The following ARHGEF26 variants were observed in gnomAD, a reference collection of about 807,000 sequenced individuals.
The protein encoded by ARHGEF26 is Rho guanine nucleotide exchange factor (GEF) 26.
Under a neutral mutation model 89.4 loss-of-function variants are expected in ARHGEF26, and 59 were observed. The ratio of observed to expected loss-of-function variants is 0.66; its 90% CI spans 0.54 to 0.82. ARHGEF26 has a LOEUF of 0.82. ARHGEF26 is among the 40% of genes least tolerant of loss of function. The pLI, the probability that ARHGEF26 is intolerant of heterozygous loss-of-function variation, is 0.00. For synonymous variants in ARHGEF26, 500 were observed against 428.4 expected (o/e 1.17, Z -2.06); for missense variants, 1,234 against 1,085.6 (o/e 1.14, Z -1.92).
Position 154,129,708 on chromosome 3 carries a change from C to G in ARHGEF26, c.1258C>G (p.Gln420Glu), listed in dbSNP as rs768038426. Residue 420 changes from glutamine to glutamate, a missense_variant, in exon 4 of 15, where the codon CAA (glutamine) becomes GAA (glutamate). By Grantham distance (29) the Gln-to-Glu change is conservative. Transcript: ENST00000465093. ...TAAGCCATTGAGATCCACATGGAGC[C>G]AACTCTCTGCGGTGAGTGTTTATCT... is the stretch of plus-strand genomic sequence containing the variant. ...HHKPLRSTWS[Q>E]LSAVKRKGLS... 48 of 1,611,808 alleles carry G rather than the reference C, an allele frequency of 3.0e-5. No homozygotes were observed. Among genetic ancestry groups the G allele is most frequent in the Non-Finnish European group, 3.8e-5 (45 of 1,179,076 alleles).
chr3:154,211,369 C>G (rs1715348707), intron 9 of ARHGEF26, among the ~76,000 whole-genome samples: 2 of 152,116 alleles, frequency 1.3e-5, no homozygotes, highest in Admixed American at 6.5e-5. Flanking sequence ...AATGCTCCCT[C>G]CATGGATGGG....
intron 6 of ARHGEF26, among the ~76,000 whole-genome samples, chr3:154,154,263 C>G (rs1013982920): frequency 6.6e-6 from 1 of 151,926 alleles, no homozygotes; most frequent in African/African-American, 2.4e-5. Flanking sequence ...CTGCTCCAGG[C>G]CTGGAATCAA....
chr3:154,237,538 T>TCACACACACA (rs71152796), intron 11 of ARHGEF26, among the ~76,000 whole-genome samples: 27,612 of 143,002 alleles, frequency 0.19, 2,712 homozygotes, highest in Admixed American at 0.23. Context: ...TGAGACTCCG[T>TCACACACACA]CACACACACA....
chr3:154,169,195 A>C (rs955795832), intron 6 of ARHGEF26, among the ~76,000 whole-genome samples: 1 of 152,240 alleles, frequency 6.6e-6, no homozygotes, highest in East Asian at 1.9e-4. Flanking sequence ...CCAGTATTGA[A>C]GTCTCAATTC....
chr3:154,171,822 G>C (rs866092013), intron 6 of ARHGEF26, among the ~76,000 whole-genome samples: 20 of 152,258 alleles, frequency 1.3e-4, no homozygotes, highest in South Asian at 1.2e-3. Context: ...TTAAAGCTGA[G>C]CACCAAGCCC....
At chr3:154,152,749 C>A in intron 5 of ARHGEF26, 23 bp from the exon 6 acceptor site, 3 of 1,414,784 alleles carry the variant, frequency 2.1e-6, no homozygotes, top group South Asian at 3.4e-5. Flanking sequence ...ATTAATAATA[C>A]ATTTCTTTTT....
chr3:154,251,428 C>T (rs76376054), intron 12 of ARHGEF26, among the ~76,000 whole-genome samples: 136 of 152,240 alleles, frequency 8.9e-4, no homozygotes, highest in African/African-American at 3.1e-3. Context: ...AATGATTGGG[C>T]TCAATATGTG....
chr3:154,242,517 G>T (rs1717533439), intron 12 of ARHGEF26, among the ~76,000 whole-genome samples: 1 of 152,206 alleles, frequency 6.6e-6, no homozygotes, highest in Non-Finnish European at 1.5e-5. Context: ...AACAAATGAG[G>T]AGTTGCTTCT....
At chr3:154,201,003 G>GC (rs1247062913) in intron 9 of ARHGEF26, among the ~76,000 whole-genome samples, 2 of 25,312 alleles carry the variant, frequency 7.9e-5, no homozygotes, top group Non-Finnish European at 1.2e-4. Flanking sequence ...TCAAATATAA[G>GC]ATTTTTTTTT....
At chr3:154,232,308 C>T (rs1255986296) in intron 11 of ARHGEF26, among the ~76,000 whole-genome samples, 1 of 152,116 alleles carries the variant, frequency 6.6e-6, no homozygotes, top group Non-Finnish European at 1.5e-5. Context: ...TTTTTGGTGG[C>T]AGTCATACTG....
chr3:154,222,799 C>G (rs1716218603), intron 10 of ARHGEF26, among the ~76,000 whole-genome samples: 2 of 151,978 alleles, frequency 1.3e-5, no homozygotes, highest in Non-Finnish European at 2.9e-5. Context: ...GAATAGTCTT[C>G]AGGATAGTTT....
chr3:154,152,356 G>A (rs1392174429), intron 5 of ARHGEF26, among the ~76,000 whole-genome samples: 2 of 152,124 alleles, frequency 1.3e-5, no homozygotes, highest in Non-Finnish European at 2.9e-5. Context: ...AATCTCAAGA[G>A]ATGACCATAA....
At chr3:154,138,449 T>C (rs1042118439) in intron 4 of ARHGEF26, among the ~76,000 whole-genome samples, 1 of 152,176 alleles carries the variant, frequency 6.6e-6, no homozygotes, top group Non-Finnish European at 1.5e-5. Context: ...TAGACAGAGA[T>C]TGAGGAAAAA....
chr3:154,235,544 C>T (rs539324221), intron 11 of ARHGEF26, among the ~76,000 whole-genome samples: 2 of 152,332 alleles, frequency 1.3e-5, no homozygotes, highest in African/African-American at 4.8e-5. Flanking sequence ...ATTCCACTAT[C>T]AGGTAGTCAC....
At chr3:154,203,516 C>G (rs1714796131) in intron 9 of ARHGEF26, among the ~76,000 whole-genome samples, 1 of 152,098 alleles carries the variant, frequency 6.6e-6, no homozygotes, top group African/African-American at 2.4e-5. Flanking sequence ...GATTCCAGTA[C>G]TATGTCAAAT....
At chr3:154,133,087 T>TG (rs1199195475) in intron 4 of ARHGEF26, among the ~76,000 whole-genome samples, 1 of 152,198 alleles carries the variant, frequency 6.6e-6, no homozygotes, top group African/African-American at 2.4e-5. Flanking sequence ...AAACTATCCT[T>TG]ATCAGTTGAC....
intron 6 of ARHGEF26, 105 bp downstream of exon 6, chr3:154,153,037 G>A: frequency 1.9e-6 from 2 of 1,077,088 alleles, no homozygotes; most frequent in Non-Finnish European, 1.2e-6. Context: ...GTCTCATTCA[G>A]TTGGCTTTTG....
intron 10 of ARHGEF26, among the ~76,000 whole-genome samples, chr3:154,221,697 G>GA (rs1034418422): frequency 5.8e-4 from 89 of 152,182 alleles, no homozygotes; most frequent in African/African-American, 2.1e-3. Context: ...ATTATTAAAT[G>GA]AAAAAAGTAA....
Position 154,121,936 on chromosome 3 carries a change from C to T in ARHGEF26, c.-51-6C>T. Reference sequence around the variant, plus strand: ...GGCACAGTTTCCTAACTTCTTTCCTCTTTAGGCAAGACTAACTCGGTGTTG... The same window carrying T: ...GGCACAGTTTCCTAACTTCTTTCCTTTTTAGGCAAGACTAACTCGGTGTTG... On this transcript the variant is annotated splice_region_variant and splice_polypyrimidine_tract_variant and intron_variant, in intron 1 of 14. Coordinates refer to ENST00000465093, the MANE Select transcript of ARHGEF26 (RefSeq NM_015595.4). 1.3e-6 allele frequency: 2 copies of T among 1,526,810 alleles called. No individual in the cohort carries two copies. The highest frequency in any genetic ancestry group is 1.8e-6 in the Non-Finnish European group (2 of 1,134,650). 94.6% of individuals were successfully genotyped at this position (1,526,810 alleles called of 1,614,324 possible).
Sources: allele counts gnomAD v4.1 joint callset (sites outside exome capture counted in the v4.1 genomes callset), GRCh38; gene constraint gnomAD v4.1.1; transcripts MANE v1.5; gene names NCBI Gene and HGNC (gene_info 2026-07-23, HGNC 2026-07-21).